The following TANC2 variants were observed in gnomAD, a reference collection of about 807,000 sequenced individuals.
TANC2 encodes protein TANC2.
TANC2 carries 26 observed loss-of-function variants against 210.5 expected under a neutral mutation model. That is an observed-to-expected ratio of 0.12 (90% CI 0.09 to 0.17). TANC2 has a LOEUF of 0.17. Among genes scored for constraint, TANC2 ranks in the 10% least tolerant of loss-of-function variants. The pLI, the probability that TANC2 is intolerant of heterozygous loss-of-function variation, is 1.00. For missense variants in TANC2, 2,129 were observed against 2,608.9 expected (o/e 0.82, Z 4.01); for synonymous variants, 931 against 967.1 (o/e 0.96, Z 0.69).
intron 4 of TANC2, among the ~76,000 whole-genome samples, chr17:63,104,199 G>A (rs528370058): frequency 1.9e-3 from 295 of 152,144 alleles, no homozygotes; most frequent in Middle Eastern, 6.8e-3. Flanking sequence ...CTGTGCTTTG[G>A]GGGCGATGTG....
Position 63,009,441 on chromosome 17 carries a change from G to A in TANC2, c.-23-96G>A, listed in dbSNP as rs538975523. The A allele has an allele frequency of 5.0e-4, 377 of 759,688 alleles. 4 individuals are homozygous for A. In the South Asian group the frequency reaches 6.6e-3, roughly 13 times the overall value. 47.1% of individuals were successfully genotyped at this position (759,688 alleles called of 1,614,324 possible). A position where few individuals can be genotyped will look rare whatever the true frequency, so the allele number is the denominator to read the frequency against. On this transcript the variant is annotated intron_variant, in intron 1 of 27. Transcript: ENST00000689528. ...CAAACAGTCCAGTTGTACCCTTTAAGTTATTAAAACATGTATAGTTATTGA... is the reference window on the plus strand; with the variant it reads ...CAAACAGTCCAGTTGTACCCTTTAAATTATTAAAACATGTATAGTTATTGA...
At chr17:63,325,132 G>A (rs1360748413) in intron 11 of TANC2, among the ~76,000 whole-genome samples, 11 of 152,186 alleles carry the variant, frequency 7.2e-5, no homozygotes, top group African/African-American at 2.6e-4. Context: ...TTTAGAAGAA[G>A]TGACCTTGAC....
In TANC2 at chr17:63,314,332, G is replaced by T; in HGVS notation, c.1160-56G>T. 23 of 1,583,364 alleles carry T rather than the reference G, an allele frequency of 1.5e-5. No homozygotes were observed. The Admixed American group carries it at 1.9e-4, about 13-fold the overall frequency. The stretch of plus-strand genomic sequence containing the variant: ...ACCACACTGCATTTTTTCTCTCTTT[G>T]TTTCTCTCAATGTTGACAGTTTGAC... On this transcript the variant is annotated intron_variant, in intron 9 of 27. Transcript: ENST00000689528.
At chr17:63,135,490 C>A (rs1230226520) in intron 4 of TANC2, among the ~76,000 whole-genome samples, 2 of 151,810 alleles carry the variant, frequency 1.3e-5, no homozygotes, top group Non-Finnish European at 2.9e-5. Context: ...TTTCAAAAGC[C>A]ATACATTTGA....
intron 2 of TANC2, among the ~76,000 whole-genome samples, chr17:63,070,622 T>A (rs1352639434): frequency 1.3e-5 from 2 of 152,152 alleles, no homozygotes; most frequent in African/African-American, 2.4e-5. Context: ...CACTCCTAGT[T>A]TTTGTAGGGC....
At chr17:63,122,914 A>G (rs1386952591) in intron 4 of TANC2, among the ~76,000 whole-genome samples, 1 of 152,236 alleles carries the variant, frequency 6.6e-6, no homozygotes. Flanking sequence ...TCTCAGAAGC[A>G]AAAGTGTACA....
In TANC2 at chr17:63,420,040, A is replaced by G; in HGVS notation, c.4310A>G (p.Lys1437Arg). ...TTAGAGGACCTGAACGAGGCCATCAAGCTGTGTCCCAACAACCGTGAGATC... is the reference window on the plus strand; with the variant it reads ...TTAGAGGACCTGAACGAGGCCATCAGGCTGTGTCCCAACAACCGTGAGATC... The change falls in exon 28 of 28, where the codon AAG (lysine) becomes AGG (arginine). Residue 1437 changes from lysine to arginine, a missense_variant. By Grantham distance (26) the Lys-to-Arg change is conservative (BLOSUM62 2). Transcript: ENST00000689528. The surrounding 1 kb of genome is among the most constrained non-coding windows in gnomAD (Gnocchi z 4.2). The G allele has an allele frequency of 6.4e-7, 1 of 1,551,704 alleles. No individual in the cohort carries two copies. The highest frequency in any genetic ancestry group is 8.7e-7 in the Non-Finnish European group (1 of 1,146,646).
intron 15 of TANC2, among the ~76,000 whole-genome samples, chr17:63,386,908 A>T (rs1021522986): frequency 1.1e-4 from 17 of 152,204 alleles, no homozygotes; most frequent in Middle Eastern, 3.4e-3. Flanking sequence ...GCTGGAGTGC[A>T]GTAGCACGAT....
chr17:63,424,970 G>A (rs1012736362), exon 28 of TANC2: 1 of 152,196 alleles, frequency 6.6e-6, no homozygotes, highest in African/African-American at 2.4e-5. Flanking sequence ...AGGGACTCCT[G>A]AGACACGGTT....
chr17:63,367,736 A>G (rs1406328058), intron 14 of TANC2, among the ~76,000 whole-genome samples: 1 of 152,206 alleles, frequency 6.6e-6, no homozygotes, highest in Non-Finnish European at 1.5e-5. Context: ...GTGAGAACAT[A>G]TGAAATGCCT....
Position 63,139,588 on chromosome 17 carries a change from A to G in TANC2, c.323-11682A>G, listed in dbSNP as rs115123920. ...ACCACTGCATTCTAGCCTGGGCAACAAGAGCGAGACTGTGTATGATGAAAT... is the reference window on the plus strand; with the variant it reads ...ACCACTGCATTCTAGCCTGGGCAACGAGAGCGAGACTGTGTATGATGAAAT... On this transcript the variant is annotated intron_variant, in intron 4 of 27. Transcript: ENST00000689528. Among the ~76,000 whole-genome samples, 1,299 of 152,270 alleles carry G rather than the reference A, an allele frequency of 8.5e-3. 17 individuals are homozygous for G. The highest frequency in any genetic ancestry group is 0.029 in the African/African-American group (1,190 of 41,534).
At chr17:63,300,940 G>A (rs1218683652) in intron 9 of TANC2, among the ~76,000 whole-genome samples, 1 of 152,164 alleles carries the variant, frequency 6.6e-6, no homozygotes, top group Non-Finnish European at 1.5e-5. Context: ...TTATTATTTT[G>A]AGATATGTTC....
intron 5 of TANC2, chr17:63,182,528 A>C: frequency 4.1e-6 from 1 of 245,790 alleles, no homozygotes; most frequent in South Asian, 6.3e-5. Context: ...ATGAAAACTC[A>C]TTTGAGGACT....
At chr17:63,230,101 G>A (rs2042433225) in intron 7 of TANC2, among the ~76,000 whole-genome samples, 1 of 152,064 alleles carries the variant, frequency 6.6e-6, no homozygotes, top group African/African-American at 2.4e-5. Flanking sequence ...TGGCCCAGTT[G>A]TTTGTATTTC....
chr17:63,081,227 C>T (rs937824738), intron 3 of TANC2, among the ~76,000 whole-genome samples: 7 of 152,072 alleles, frequency 4.6e-5, no homozygotes, highest in Admixed American at 3.9e-4. Flanking sequence ...TTTTGGAATA[C>T]GTAGCCCCAA....
intron 3 of TANC2, among the ~76,000 whole-genome samples, chr17:63,091,283 A>C (rs558649442): frequency 1.5e-4 from 23 of 152,016 alleles, no homozygotes; most frequent in African/African-American, 5.5e-4. Flanking sequence ...GAAGTCCTTG[A>C]CCATGCCTGT....
chr17:63,197,870 C>T (rs1424657354), intron 6 of TANC2: 5 of 152,208 alleles, frequency 3.3e-5, no homozygotes, highest in African/African-American at 1.2e-4. Context: ...TTCTCTAGCT[C>T]ATTAACTAGT....
intron 14 of TANC2, among the ~76,000 whole-genome samples, chr17:63,378,213 A>G (rs1048752534): frequency 5.3e-5 from 8 of 152,180 alleles, no homozygotes; most frequent in Non-Finnish European, 1.2e-4. Context: ...TTTTCTTCTA[A>G]AAGTTTTATT....
chr17:63,416,779 A>G (rs2048874850), intron 26 of TANC2, among the ~76,000 whole-genome samples: 1 of 152,210 alleles, frequency 6.6e-6, no homozygotes, highest in Admixed American at 6.5e-5. Context: ...TCAGAGGCAG[A>G]GTTGCTCCAG....
Sources: gnomAD v4.1 joint callset for allele counts (sites outside exome capture counted in the v4.1 genomes callset) on GRCh38, gnomAD v4.1.1 for gene constraint, Gnocchi (gnomAD v3.1) non-coding constraint, MANE v1.5 for transcripts, NCBI Gene and HGNC (gene_info 2026-07-23, HGNC 2026-07-21) for gene names.